Variants in YTHDF3 observed in about 807,000 individuals in gnomAD.
YTHDF3 encodes YTH domain-containing family protein 3.
A neutral mutation model predicts 52.5 loss-of-function variants in YTHDF3; 9 were observed. The ratio of observed to expected loss-of-function variants is 0.17; its 90% CI spans 0.10 to 0.30. YTHDF3 has a LOEUF of 0.30. Ranked by LOEUF, YTHDF3 falls within the 10% of genes least tolerant of loss-of-function variation. The pLI, the probability that YTHDF3 is intolerant of heterozygous loss-of-function variation, is 1.00. For synonymous variants in YTHDF3, 274 were observed against 243.3 expected, an observed-to-expected ratio of 1.13 and a Z score of -1.18; for missense variants, 534 against 715.0, an observed-to-expected ratio of 0.75 and a Z score of 2.89.
chr8:63,206,551 A>G (rs939880277), intron 4 of YTHDF3, among the ~76,000 whole-genome samples: 2 of 152,116 alleles, frequency 1.3e-5, no homozygotes, highest in Non-Finnish European at 2.9e-5. Flanking sequence ...TACTGAATCC[A>G]GGCACTTCTT....
rs1744397283 is a variant in YTHDF3, at chr8:63,212,445, AT to A, written c.*2740del. 1 of 152,092 alleles carries A rather than the reference AT, an allele frequency of 6.6e-6. No homozygotes were observed. The highest frequency in any genetic ancestry group is 1.5e-5 in the Non-Finnish European group (1 of 67,972). The allele number at this position is 152,092 out of a possible 1,614,324, so 9.4% of individuals were successfully genotyped here. On this transcript the variant is annotated 3_prime_UTR_variant, in exon 5 of 5. Coordinates refer to ENST00000539294, the MANE Select transcript of YTHDF3 (RefSeq NM_152758.6). Reference sequence around the variant, plus strand: ...TTAAAACAGTTTGCAATAAAAAAAAATGAATCAGCTTAAGTCATTTAATCAT... The same window carrying A: ...TTAAAACAGTTTGCAATAAAAAAAAAGAATCAGCTTAAGTCATTTAATCAT...
intron 4 of YTHDF3, among the ~76,000 whole-genome samples, chr8:63,191,883 A>AT (rs1275785785): frequency 6.6e-6 from 1 of 152,080 alleles, no homozygotes; most frequent in Non-Finnish European, 1.5e-5. Context: ...ATGGATGACC[A>AT]TTGTGTCTAT....
intron 2 of YTHDF3, 171 bp downstream of exon 2, chr8:63,169,582 C>G (rs1450336725): frequency 1.5e-6 from 1 of 684,440 alleles, no homozygotes; most frequent in East Asian, 2.7e-5. Context: ...TTCGGTAGTT[C>G]GTTGCTTTGA....
chr8:63,209,861 A>T lies in YTHDF3; in HGVS notation c.*155A>T. On this transcript the variant is annotated 3_prime_UTR_variant, in exon 5 of 5. Coordinates refer to ENST00000539294, the MANE Select transcript of YTHDF3 (RefSeq NM_152758.6). The stretch of plus-strand genomic sequence containing the variant: ...GTTGACTCTTCTCGTAATGGTTTTC[A>T]TCAGCGCATCTGCCCTTATACTCTT... 4 of 699,346 alleles carry T rather than the reference A, an allele frequency of 5.7e-6. No individual in the cohort carries two copies. The highest frequency in any genetic ancestry group is 9.3e-6 in the Non-Finnish European group (4 of 431,580). The allele number at this position is 699,346 out of a possible 1,614,324, so 43.3% of individuals were successfully genotyped here.
chr8:63,169,257 G>A, intron 1 of YTHDF3, 130 bp from the exon 2 acceptor site: 13 of 1,333,032 alleles, frequency 9.8e-6, no homozygotes, highest in Non-Finnish European at 1.3e-5. Flanking sequence ...TGGCTGTGGA[G>A]GATATGGTGG....
At chr8:63,171,908 C>T (rs903167548) in intron 2 of YTHDF3, among the ~76,000 whole-genome samples, 2 of 152,136 alleles carry the variant, frequency 1.3e-5, no homozygotes, top group African/African-American at 4.8e-5. Flanking sequence ...CAGCTTTAGC[C>T]TAACACCTAG....
intron 2 of YTHDF3, among the ~76,000 whole-genome samples, chr8:63,170,452 A>G (rs1281754835): frequency 7.9e-5 from 12 of 152,168 alleles, no homozygotes; most frequent in African/African-American, 2.9e-4. Context: ...ATGGCACCAT[A>G]TTAGGTAACA....
intron 4 of YTHDF3, among the ~76,000 whole-genome samples, chr8:63,189,461 TTAC>T: frequency 6.6e-6 from 1 of 152,246 alleles, no homozygotes; most frequent in African/African-American, 2.4e-5. Flanking sequence ...ATAATGCTTG[TTAC>T]TATGGAAAGC....
intron 4 of YTHDF3, 115 bp from the exon 5 acceptor site, chr8:63,209,568 A>T: frequency 9.9e-7 from 1 of 1,010,740 alleles, no homozygotes; most frequent in South Asian, 1.6e-5. Context: ...TTGAATTAGT[A>T]CTTGAACTTT....
At chr8:63,193,644 T>C (rs891388459) in intron 4 of YTHDF3, among the ~76,000 whole-genome samples, 25 of 152,186 alleles carry the variant, frequency 1.6e-4, no homozygotes, top group African/African-American at 5.8e-4. Context: ...TGTGAATTAA[T>C]TTAAGAAAAG....
chr8:63,188,701 A>ATATATATATATTT lies in YTHDF3; in HGVS notation c.1734+957_1734+958insATATATATATTTT, dbSNP rs1355614739. 18 of 61,444 alleles carry ATATATATATATTT rather than the reference A, an allele frequency of 2.9e-4. No homozygotes were observed. In the East Asian group the frequency reaches 3.3e-3, roughly 11 times the overall value. 3.8% of individuals were successfully genotyped at this position (61,444 alleles called of 1,614,324 possible). On this transcript the variant is annotated intron_variant, in intron 4 of 4. Coordinates refer to ENST00000539294, the MANE Select transcript of YTHDF3 (RefSeq NM_152758.6). ...TACATATATATATATATATATATATATTTTTTTTTTTTTTTTTTTTTTTCT... is the reference window on the plus strand; with the variant it reads ...TACATATATATATATATATATATATATATATATATATTTTTTTTTTTTTTTTTTTTTTTTTTCT...
chr8:63,196,156 A>G (rs1809224179), intron 4 of YTHDF3, among the ~76,000 whole-genome samples: 1 of 151,706 alleles, frequency 6.6e-6, no homozygotes, highest in African/African-American at 2.4e-5. Flanking sequence ...GCTACTTGGG[A>G]GGCTGAGTTT....
At chr8:63,199,233 A>G (rs532513423) in intron 4 of YTHDF3, among the ~76,000 whole-genome samples, 27 of 152,284 alleles carry the variant, frequency 1.8e-4, no homozygotes, top group African/African-American at 5.5e-4. Flanking sequence ...CTTCCATACT[A>G]TAATTGTGAG....
chr8:63,185,376 A>G (rs1157948480), intron 3 of YTHDF3, among the ~76,000 whole-genome samples: 1 of 152,012 alleles, frequency 6.6e-6, no homozygotes, highest in Non-Finnish European at 1.5e-5. Context: ...TTCTGGAAAA[A>G]ATTTACATGA....
Position 63,210,085 on chromosome 8 carries a change from A to G in YTHDF3, c.*379A>G, listed in dbSNP as rs1376987594. The stretch of plus-strand genomic sequence containing the variant: ...AGTGGTTCAATGATGTAAGAGTCAC[A>G]CTGCTTCAACTTTTTCTTTGTTGTA... On this transcript the variant is annotated 3_prime_UTR_variant, in exon 5 of 5. Transcript: ENST00000539294. 5.9e-6 allele frequency: 1 copy of G among 168,166 alleles called. No homozygotes were observed. Among genetic ancestry groups the G allele is most frequent in the Non-Finnish European group, 1.3e-5 (1 of 78,836 alleles). 10.4% of individuals were successfully genotyped at this position (168,166 alleles called of 1,614,324 possible).
chr8:63,191,863 T>C (rs1808933391), intron 4 of YTHDF3, among the ~76,000 whole-genome samples: 1 of 152,252 alleles, frequency 6.6e-6, no homozygotes, highest in Admixed American at 6.5e-5. Flanking sequence ...GGTAGTTTTC[T>C]ATTACATGGA....
At chr8:63,169,921 T>A (rs987634795) in intron 2 of YTHDF3, among the ~76,000 whole-genome samples, 4 of 152,244 alleles carry the variant, frequency 2.6e-5, no homozygotes, top group Non-Finnish European at 5.9e-5. Flanking sequence ...AGGCATGCCA[T>A]CTTGCTCTAT....
In YTHDF3 at chr8:63,209,880, T is replaced by C; in HGVS notation, c.*174T>C. The C allele has an allele frequency of 3.4e-6, 2 of 590,970 alleles. No individual in the cohort carries two copies. Among genetic ancestry groups the C allele is most frequent in the East Asian group, 3.0e-5 (1 of 33,530 alleles). The allele number at this position is 590,970 out of a possible 1,614,324, so 36.6% of individuals were successfully genotyped here. A position where few individuals can be genotyped will look rare whatever the true frequency, so the allele number is the denominator to read the frequency against. ...GTTTTCATCAGCGCATCTGCCCTTA[T>C]ACTCTTCACCAAACACACTTGAGAA... On this transcript the variant is annotated 3_prime_UTR_variant, in exon 5 of 5. Coordinates refer to ENST00000539294, the MANE Select transcript of YTHDF3 (RefSeq NM_152758.6).
Position 63,209,681 on chromosome 8 carries a change from A to G in YTHDF3, c.1735-2A>G. 6.4e-7 allele frequency: 1 copy of G among 1,557,146 alleles called. No individual in the cohort carries two copies. The highest frequency in any genetic ancestry group is 8.6e-7 in the Non-Finnish European group (1 of 1,158,682). The stretch of plus-strand genomic sequence containing the variant: ...TGTGTGTGTGTGTTTTTTTTTTTTC[A>G]GGAGAGAAATAGAAACAAACAATAA... On this transcript the variant is annotated splice_acceptor_variant, in intron 4 of 4. Coordinates refer to ENST00000539294, the MANE Select transcript of YTHDF3 (RefSeq NM_152758.6). LOFTEE classifies it high-confidence loss of function.
Sources: gnomAD v4.1 joint callset for allele counts (sites outside exome capture counted in the v4.1 genomes callset) on GRCh38, gnomAD v4.1.1 for gene constraint, MANE v1.5 for transcripts, NCBI Gene and HGNC (gene_info 2026-07-23, HGNC 2026-07-21) for gene names.